Variants in SGCD observed in about 807,000 individuals in gnomAD.
SGCD encodes the protein sarcoglycan delta.
Under a neutral mutation model 36.6 loss-of-function variants are expected in SGCD, and 18 were observed. That is an observed-to-expected ratio of 0.49 (90% CI 0.34 to 0.73). The LOEUF is 0.73. SGCD is among the 30% of genes least tolerant of loss of function. SGCD has a pLI of 0.01. For synonymous variants in SGCD, 133 were observed against 130.6 expected, an observed-to-expected ratio of 1.02 and a Z score of -0.12; for missense variants, 387 against 346.7, an observed-to-expected ratio of 1.12 and a Z score of -0.92.
chr5:156,585,736 A>G (rs1053026809), intron 4 of SGCD, among the ~76,000 whole-genome samples: 3 of 152,188 alleles, frequency 2.0e-5, no homozygotes, highest in Non-Finnish European at 4.4e-5. Context: ...ATGTGATCAA[A>G]AGTGAAATCA....
intron 6 of SGCD, among the ~76,000 whole-genome samples, chr5:156,631,007 T>C (rs1324098022): frequency 6.6e-6 from 1 of 152,130 alleles, no homozygotes; most frequent in Non-Finnish European, 1.5e-5. Flanking sequence ...TGAGAAAATA[T>C]ACCTGCCCCA....
intron 3 of SGCD, among the ~76,000 whole-genome samples, chr5:156,502,749 G>A (rs1339367389): frequency 6.6e-6 from 1 of 152,178 alleles, no homozygotes; most frequent in Non-Finnish European, 1.5e-5. Flanking sequence ...TGTAGTAAAA[G>A]ATGAAATGTT....
chr5:156,026,874 C>T (rs1300410910), intron 1 of SGCD, among the ~76,000 whole-genome samples: 2 of 152,024 alleles, frequency 1.3e-5, no homozygotes, highest in African/African-American at 2.4e-5. Flanking sequence ...ACATTGCCAG[C>T]TATGTCTCTG....
intron 1 of SGCD, among the ~76,000 whole-genome samples, chr5:156,111,048 T>G (rs1403723475): frequency 6.6e-6 from 1 of 152,076 alleles, no homozygotes; most frequent in Non-Finnish European, 1.5e-5. Flanking sequence ...AAGAAGGAAA[T>G]TAAACAAGCT....
chr5:155,832,704 CA>C, the SGCD span, among the ~76,000 whole-genome samples: 6 of 149,428 alleles, frequency 4.0e-5, no homozygotes, highest in Admixed American at 6.7e-5. Flanking sequence ...AATAGACATG[CA>C]AAAAAAATTG....
intron 3 of SGCD, among the ~76,000 whole-genome samples, chr5:156,283,637 T>C (rs755795315): frequency 3.9e-5 from 6 of 152,158 alleles, no homozygotes; most frequent in Non-Finnish European, 8.8e-5. Flanking sequence ...TTAACAGTGG[T>C]TTATCGTCCT....
intron 3 of SGCD, among the ~76,000 whole-genome samples, chr5:156,200,010 T>C (rs1378689117): frequency 6.6e-6 from 1 of 152,146 alleles, no homozygotes; most frequent in African/African-American, 2.4e-5. Flanking sequence ...TAGTGTGATG[T>C]AGAAGAAATC....
intron 3 of SGCD, among the ~76,000 whole-genome samples, chr5:156,345,569 A>G (rs1402497397): frequency 6.6e-6 from 1 of 152,118 alleles, no homozygotes; most frequent in Admixed American, 6.6e-5. Context: ...GCTCATGCTT[A>G]AATTCCAGGA....
At chr5:155,826,187 A>G in the SGCD span, among the ~76,000 whole-genome samples, 1 of 152,200 alleles carries the variant, frequency 6.6e-6, no homozygotes. Flanking sequence ...TTCCAAACTC[A>G]GGGCTGCTAT....
intron 1 of SGCD, among the ~76,000 whole-genome samples, chr5:155,977,915 G>A (rs1758150786): frequency 1.3e-5 from 2 of 152,074 alleles, no homozygotes; most frequent in South Asian, 4.1e-4. Flanking sequence ...CTAACATGGT[G>A]AAACCCGGTA....
chr5:156,131,976 A>G (rs1581118805), intron 3 of SGCD, among the ~76,000 whole-genome samples: 2 of 152,310 alleles, frequency 1.3e-5, no homozygotes, highest in South Asian at 4.1e-4. Flanking sequence ...CCACAGTACA[A>G]TTTAAAAGCC....
At chr5:155,996,024 A>T (rs13356725) in intron 1 of SGCD, among the ~76,000 whole-genome samples, 3,526 of 151,302 alleles carry the variant, frequency 0.023, 144 homozygotes, top group African/African-American at 0.08. Flanking sequence ...ACAAAAAAAA[A>T]AAAACCTGTG....
At chr5:156,758,007 G>C (rs1347066160) in intron 8 of SGCD, 2 of 1,190,176 alleles carry the variant, frequency 1.7e-6, no homozygotes, top group African/African-American at 3.1e-5. Flanking sequence ...ATAAGATTTT[G>C]TTAGCCAACA....
chr5:156,151,530 G>C (rs1762835269), intron 3 of SGCD, among the ~76,000 whole-genome samples: 1 of 151,430 alleles, frequency 6.6e-6, no homozygotes, highest in South Asian at 2.1e-4. Context: ...CCAGATGAAA[G>C]TATCTCCAAA....
the SGCD span, among the ~76,000 whole-genome samples, chr5:155,779,615 A>G: frequency 6.6e-6 from 1 of 152,134 alleles, no homozygotes; most frequent in Non-Finnish European, 1.5e-5. Flanking sequence ...CATCCTGCAC[A>G]TGTTCCCTTA....
the SGCD span, among the ~76,000 whole-genome samples, chr5:155,771,371 C>T: frequency 2.6e-5 from 4 of 152,050 alleles, no homozygotes; most frequent in African/African-American, 9.7e-5. Flanking sequence ...GCCTCAGCCT[C>T]CCAAGTAGCT....
chr5:155,867,594 C>T (rs534802456), upstream of SGCD, among the ~76,000 whole-genome samples: 1 of 152,210 alleles, frequency 6.6e-6, no homozygotes, highest in South Asian at 2.1e-4. Flanking sequence ...CATGGAAGAT[C>T]CCTGCTGTTA....
intron 1 of SGCD, among the ~76,000 whole-genome samples, chr5:155,893,590 A>G (rs929606870): frequency 2.0e-5 from 3 of 152,234 alleles, no homozygotes; most frequent in Non-Finnish European, 4.4e-5. Context: ...AAACGCCTGA[A>G]TTTAAGTCCC....
At chr5:156,622,818 A>T (rs1324994037) in intron 6 of SGCD, among the ~76,000 whole-genome samples, 1 of 152,090 alleles carries the variant, frequency 6.6e-6, no homozygotes, top group African/African-American at 2.4e-5. Context: ...AGTAGGACGA[A>T]ACCTATTACG....
Sources: gnomAD v4.1 joint callset for allele counts (sites outside exome capture counted in the v4.1 genomes callset) on GRCh38, gnomAD v4.1.1 for gene constraint, MANE v1.5 for transcripts, NCBI Gene and HGNC (gene_info 2026-07-23, HGNC 2026-07-21) for gene names.